NRG1: variants seen among roughly 807,000 people sequenced by gnomAD.
NRG1 encodes the protein pro-neuregulin-1, membrane-bound isoform.
A neutral mutation model predicts 63.8 loss-of-function variants in NRG1; 18 were observed. The ratio of observed to expected loss-of-function variants is 0.28; its 90% CI spans 0.19 to 0.42. The LOEUF (loss-of-function observed/expected upper bound fraction) is 0.42. NRG1 is among the 10% of genes least tolerant of loss of function. The probability of loss-of-function intolerance (pLI) is 1.00; values close to 1 mark genes in which losing one functional copy is unlikely to be tolerated. For missense variants in NRG1, 762 were observed against 814.7 expected, an observed-to-expected ratio of 0.94 and a Z score of 0.79; for synonymous variants, 302 against 301.3, an observed-to-expected ratio of 1.00 and a Z score of -0.02.
intron 1 of NRG1, among the ~76,000 whole-genome samples, chr8:32,123,268 A>T (rs963986637): frequency 1.3e-5 from 2 of 151,816 alleles, no homozygotes; most frequent in Non-Finnish European, 2.9e-5. Context: ...CATGGGAGGG[A>T]CCCAATGGGA....
At chr8:32,417,347 C>A (rs1046714956) in intron 1 of NRG1, among the ~76,000 whole-genome samples, 2 of 152,080 alleles carry the variant, frequency 1.3e-5, no homozygotes, top group Non-Finnish European at 2.9e-5. Context: ...TGAACTCTCC[C>A]CAATTCAATA....
At chr8:32,764,371 T>C (rs1348797902) in exon 12 of NRG1, 2 of 1,607,262 alleles carry the variant, frequency 1.2e-6, no homozygotes, top group Non-Finnish European at 1.7e-6. Flanking sequence ...CTGTCTAGTG[T>C]AATTGCTAAC....
chr8:31,807,651 A>G (rs1044129801), intron 1 of NRG1, among the ~76,000 whole-genome samples: 3 of 152,144 alleles, frequency 2.0e-5, no homozygotes, highest in Admixed American at 6.6e-5. Flanking sequence ...AGTATTGTTG[A>G]CCATAGGAAC....
chr8:31,761,019 A>T (rs1469542662), intron 1 of NRG1, among the ~76,000 whole-genome samples: 1 of 152,198 alleles, frequency 6.6e-6, no homozygotes, highest in Non-Finnish European at 1.5e-5. Context: ...TTATTGCGGC[A>T]CTATTCACAA....
intron 1 of NRG1, among the ~76,000 whole-genome samples, chr8:31,897,147 C>T (rs1328282182): frequency 6.6e-6 from 1 of 152,096 alleles, no homozygotes; most frequent in Non-Finnish European, 1.5e-5. Context: ...CTAAGCCTCC[C>T]AACCATCTGA....
chr8:32,162,200 A>C (rs1027936323), intron 1 of NRG1, among the ~76,000 whole-genome samples: 1 of 152,210 alleles, frequency 6.6e-6, no homozygotes, highest in Non-Finnish European at 1.5e-5. Flanking sequence ...AACTTCATAC[A>C]TCTGTCACTA....
intron 1 of NRG1, among the ~76,000 whole-genome samples, chr8:31,994,107 G>A (rs1321000987): frequency 2.6e-5 from 4 of 151,958 alleles, no homozygotes; most frequent in Non-Finnish European, 5.9e-5. Flanking sequence ...CAACAAAGAG[G>A]ACAAGGTTTG....
chr8:32,295,576 G>T (rs896581094), intron 1 of NRG1, among the ~76,000 whole-genome samples: 5 of 152,094 alleles, frequency 3.3e-5, no homozygotes, highest in African/African-American at 9.7e-5. Context: ...TATGTTCTTT[G>T]CATGTTCTGA....
chr8:32,161,264 C>T (rs907615079), intron 1 of NRG1, among the ~76,000 whole-genome samples: 7 of 151,956 alleles, frequency 4.6e-5, no homozygotes, highest in Non-Finnish European at 8.8e-5. Flanking sequence ...TCTCAAATTC[C>T]GAATGAATAA....
At chr8:32,538,783 C>T (rs1036467879) in intron 1 of NRG1, among the ~76,000 whole-genome samples, 5 of 152,098 alleles carry the variant, frequency 3.3e-5, no homozygotes, top group South Asian at 2.1e-4. Flanking sequence ...AATATACATA[C>T]GGTGGTTGTG....
chr8:32,330,041 T>TAAAAAAA lies in NRG1; in HGVS notation c.38-265753_38-265747dup, dbSNP rs532006401. Among the ~76,000 whole-genome samples the TAAAAAAA allele has an allele frequency of 4.4e-4, 19 of 43,020 alleles. 4 individuals carry two copies. The highest frequency in any genetic ancestry group is 3.0e-3 in the South Asian group (2 of 668). 28.2% of individuals were successfully genotyped at this position (43,020 alleles called of 152,430 possible). ...GCATGTGCCTCCACACCTAGCTAAT[T>TAAAAAAA]AAAAAAAAAAAAAAAAAAAAAAAAA... On this transcript the variant is annotated intron_variant, in intron 1 of 10. Transcript: ENST00000519301.
intron 1 of NRG1, among the ~76,000 whole-genome samples, chr8:32,573,505 A>G (rs757773266): frequency 7.2e-5 from 11 of 151,986 alleles, no homozygotes; most frequent in Non-Finnish European, 1.2e-4. Context: ...TATCCTTACC[A>G]TTTGCTGTAG....
Position 31,698,733 on chromosome 8 carries a change from T to TA in NRG1, c.37+59303dup, listed in dbSNP as rs1164404728. Among the ~76,000 whole-genome samples, 9 of 152,326 alleles carry TA rather than the reference T, an allele frequency of 5.9e-5. No homozygotes were observed. The South Asian group carries it at 1.9e-3, about 32-fold the overall frequency. On this transcript the variant is annotated intron_variant, in intron 1 of 10. Coordinates refer to the NRG1 transcript ENST00000519301. ...TTTTCCTCCAAAAATTTGGCTTCTT[T>TA]AGCAAGCAGCATATCAACTAAAGAT...
intron 1 of NRG1, among the ~76,000 whole-genome samples, chr8:32,165,853 A>G (rs998937778): frequency 6.6e-6 from 1 of 152,164 alleles, no homozygotes; most frequent in African/African-American, 2.4e-5. Flanking sequence ...GAAAGATACC[A>G]AGAAAATCAA....
At chr8:31,941,837 T>C (rs559942967) in intron 1 of NRG1, among the ~76,000 whole-genome samples, 1 of 152,136 alleles carries the variant, frequency 6.6e-6, no homozygotes, top group Non-Finnish European at 1.5e-5. Context: ...TAAACAAGGA[T>C]GTGAAAGACC....
At chr8:32,683,059 T>C (rs1809114247) in intron 5 of NRG1, among the ~76,000 whole-genome samples, 1 of 152,194 alleles carries the variant, frequency 6.6e-6, no homozygotes, top group African/African-American at 2.4e-5. Context: ...TTAGCTATTA[T>C]TTATGCACAA....
chr8:32,634,119 G>A (rs921907134), intron 5 of NRG1, among the ~76,000 whole-genome samples: 6 of 86,154 alleles, frequency 7.0e-5, no homozygotes, highest in African/African-American at 6.0e-4. Flanking sequence ...AAAAAAAAAA[G>A]GTTGCATAAA....
intron 5 of NRG1, among the ~76,000 whole-genome samples, chr8:32,655,368 C>T (rs1423229238): frequency 6.6e-6 from 1 of 152,156 alleles, no homozygotes; most frequent in Non-Finnish European, 1.5e-5. Flanking sequence ...GAGGAAATCA[C>T]TTCACTTGAG....
At chr8:31,657,577 G>A (rs148961466) in intron 1 of NRG1, among the ~76,000 whole-genome samples, 1,954 of 152,266 alleles carry the variant, frequency 0.013, 25 homozygotes, top group Middle Eastern at 0.061. Flanking sequence ...GATTTTTAGT[G>A]TGCACTTAAG....
Sources: gnomAD v4.1 joint callset for allele counts (sites outside exome capture counted in the v4.1 genomes callset) on GRCh38, gnomAD v4.1.1 for gene constraint, MANE v1.5 for transcripts, NCBI Gene and HGNC (gene_info 2026-07-23, HGNC 2026-07-21) for gene names.